The following ASAP2 variants were observed in gnomAD, a reference collection of about 807,000 sequenced individuals.
ASAP2 encodes arf-GAP with SH3 domain, ANK repeat and PH domain-containing protein 2.
ASAP2 carries 45 observed loss-of-function variants against 131.4 expected under a neutral mutation model. The observed-to-expected ratio is 0.34, with a 90% CI of 0.27 to 0.44. ASAP2 has a LOEUF of 0.44. Ranked by LOEUF, ASAP2 falls within the 20% of genes least tolerant of loss-of-function variation. ASAP2 has a pLI of 1.00. For missense variants in ASAP2, 1,011 were observed against 1,297.0 expected (o/e 0.78, Z 3.39); for synonymous variants, 510 against 503.0 (o/e 1.01, Z -0.19).
chr2:9,350,450 A>T (rs16867003), intron 11 of ASAP2: 1,926 of 181,024 alleles, frequency 0.011, 37 homozygotes, highest in African/African-American at 0.043. Flanking sequence ...TGGCAAATCA[A>T]CTGTGTTGTC....
chr2:9,231,270 G>C (rs1663142736), intron 1 of ASAP2, among the ~76,000 whole-genome samples: 1 of 152,152 alleles, frequency 6.6e-6, no homozygotes, highest in Non-Finnish European at 1.5e-5. Context: ...CAGTTTCCTT[G>C]ACTCCTCACC....
Position 9,400,807 on chromosome 2 carries a change from C to T in ASAP2, c.2800C>T (p.Pro934Ser), listed in dbSNP as rs1676596499. Residue 934 changes from proline (P) to serine (S), a missense_variant, in exon 26 of 28, where the codon CCC becomes TCC. Physicochemically the swap from Pro to Ser is moderately conservative, Grantham distance 74. This residue lies in a region of ASAP2 where 652 missense variants were observed against 698.9 expected (regional missense o/e 0.93). Transcript: ENST00000281419. ...TGCTATGGTCCTGCAGCCCCCTGCA[C>T]CCATGCCTAGGAAGTCGCAGGCAGT... Reference protein sequence around the residue: ...SNAMVLQPPAPMPRKSQATKL... With the variant: ...SNAMVLQPPASMPRKSQATKL... 1 of 1,613,554 alleles carries T rather than the reference C, an allele frequency of 6.2e-7. No individual in the cohort carries two copies. Among genetic ancestry groups the T allele is most frequent in the South Asian group, 1.1e-5 (1 of 91,094 alleles).
intron 3 of ASAP2, among the ~76,000 whole-genome samples, chr2:9,298,798 C>T (rs144258461): frequency 1.1e-4 from 17 of 152,338 alleles, no homozygotes; most frequent in African/African-American, 4.1e-4. Flanking sequence ...TAAGCCCTTT[C>T]CATGCACACA....
rs1475863828 is a variant in ASAP2, at chr2:9,281,310, T to C, written c.199+1921T>C. On this transcript the variant is annotated intron_variant, in intron 2 of 27. Transcript: ENST00000281419. This position sits in a 1 kb window ranked among gnomAD's most constrained non-coding sequence, Gnocchi z 4.0. ...CTTATGCAAACACTGGCTGTGTAGC[T>C]GCTGCTCGTCTGGAGGAGAGACTTG... Among the ~76,000 whole-genome samples the C allele has an allele frequency of 6.6e-6, 1 of 152,190 alleles. No homozygotes were observed. The highest frequency in any genetic ancestry group is 6.5e-5 in the Admixed American group (1 of 15,276).
At chr2:9,340,770 C>T (rs937152908) in intron 9 of ASAP2, among the ~76,000 whole-genome samples, 3 of 152,176 alleles carry the variant, frequency 2.0e-5, no homozygotes, top group Non-Finnish European at 4.4e-5. Context: ...TTAGACAGCT[C>T]AAGGATTCTA....
chr2:9,378,261 G>A (rs1674554813), intron 18 of ASAP2, among the ~76,000 whole-genome samples: 1 of 152,160 alleles, frequency 6.6e-6, no homozygotes. Flanking sequence ...TGTGACAGTG[G>A]CCATGTTTGC....
At chr2:9,258,307 T>C (rs1247209740) in intron 1 of ASAP2, among the ~76,000 whole-genome samples, 4 of 151,266 alleles carry the variant, frequency 2.6e-5, no homozygotes, top group African/African-American at 9.7e-5. Flanking sequence ...ATAAATGCTA[T>C]TCACAGTATT....
intron 3 of ASAP2, among the ~76,000 whole-genome samples, chr2:9,317,642 A>G (rs892375219): frequency 1.3e-5 from 2 of 150,510 alleles, no homozygotes; most frequent in African/African-American, 4.9e-5. Context: ...ACCCATACAC[A>G]CATTTACACA....
At chr2:9,329,973 C>G (rs1670722976) in intron 7 of ASAP2, among the ~76,000 whole-genome samples, 1 of 152,200 alleles carries the variant, frequency 6.6e-6, no homozygotes, top group African/African-American at 2.4e-5. Context: ...TGACATCTTC[C>G]TTGTGTCTCT....
intron 9 of ASAP2, among the ~76,000 whole-genome samples, chr2:9,339,411 A>T (rs1671433422): frequency 6.6e-6 from 1 of 152,142 alleles, no homozygotes; most frequent in Admixed American, 6.5e-5. Context: ...CGTCTGTCAA[A>T]TAGGAATAAT....
intron 1 of ASAP2, among the ~76,000 whole-genome samples, chr2:9,238,239 C>G (rs180967186): frequency 1.3e-5 from 2 of 152,336 alleles, no homozygotes; most frequent in South Asian, 2.1e-4. Context: ...TTTTTAAAAC[C>G]TCAGCTCCTC....
At chr2:9,257,605 G>A (rs1030103724) in intron 1 of ASAP2, among the ~76,000 whole-genome samples, 4 of 152,138 alleles carry the variant, frequency 2.6e-5, no homozygotes, top group Non-Finnish European at 4.4e-5. Context: ...GTCAACCTTC[G>A]TTTCCCAGGT....
chr2:9,298,654 G>A (rs886986724), intron 3 of ASAP2, among the ~76,000 whole-genome samples: 1 of 152,176 alleles, frequency 6.6e-6, no homozygotes, highest in Non-Finnish European at 1.5e-5. Context: ...TCACCAGGTC[G>A]GGAAAGAGTG....
At chr2:9,278,512 CA>C (rs543049325) in intron 1 of ASAP2, among the ~76,000 whole-genome samples, 17,234 of 113,812 alleles carry the variant, frequency 0.15, 1,075 homozygotes, top group African/African-American at 0.22. Context: ...GACCCCTTCT[CA>C]AAAAAAAAAA....
chr2:9,317,944 C>A (rs935181916), intron 3 of ASAP2, among the ~76,000 whole-genome samples: 2 of 152,222 alleles, frequency 1.3e-5, no homozygotes, highest in Non-Finnish European at 2.9e-5. Flanking sequence ...TACACACCCA[C>A]AACACCCTCA....
At chr2:9,279,207 G>T (rs1666963270) in intron 1 of ASAP2, 110 bp from the exon 2 acceptor site, 2 of 985,178 alleles carry the variant, frequency 2.0e-6, no homozygotes, top group East Asian at 2.4e-5. Context: ...CCCAGAAACA[G>T]GTGCCTAGGG....
chr2:9,230,557 G>A lies in ASAP2; in HGVS notation c.126+23327G>A, dbSNP rs1572206732. Among the ~76,000 whole-genome samples the A allele has an allele frequency of 3.3e-5, 5 of 152,346 alleles. No individual in the cohort carries two copies. The South Asian group carries it at 1.0e-3, about 32-fold the overall frequency. ...GGGCAGACTCAGCCTCCTGCAGGAG[G>A]GGTGTGGGAGGGAAGGAGCAGTATC... is the stretch of plus-strand genomic sequence containing the variant. On this transcript the variant is annotated intron_variant, in intron 1 of 27. Transcript: ENST00000281419.
intron 3 of ASAP2, among the ~76,000 whole-genome samples, chr2:9,301,985 G>A (rs1282325176): frequency 2.0e-5 from 3 of 151,226 alleles, no homozygotes; most frequent in Non-Finnish European, 2.9e-5. Context: ...CGCCATGCCC[G>A]GCTAGTTTTT....
rs188976831 is a variant in ASAP2 at position 9,386,933 on chromosome 2, G to C, written c.2131-1361G>C. On this transcript the variant is annotated intron_variant, in intron 21 of 27. Coordinates refer to ENST00000281419, the MANE Select transcript of ASAP2 (RefSeq NM_003887.3). ...AGAAAGCACATGACCGGCCGAGCGC[G>C]GGGGCTCACGCCTGTAATCCCAGCA... Among the ~76,000 whole-genome samples, 14 of 152,284 alleles carry C rather than the reference G, an allele frequency of 9.2e-5. No individual in the cohort carries two copies. In the East Asian group the frequency reaches 2.7e-3, roughly 29 times the overall value.
Sources: gnomAD v4.1 joint callset for allele counts (sites outside exome capture counted in the v4.1 genomes callset) on GRCh38, gnomAD v4.1.1 for gene constraint, gnomAD v4.1.1 regional missense constraint, Gnocchi (gnomAD v3.1) non-coding constraint, MANE v1.5 for transcripts, NCBI Gene and HGNC (gene_info 2026-07-23, HGNC 2026-07-21) for gene names.